SNTG2: variants seen among roughly 807,000 people sequenced by gnomAD.
SNTG2 encodes the protein syntrophin gamma 2.
In SNTG2, 74 loss-of-function variants were observed where a neutral mutation model predicts 70.9. That is an observed-to-expected ratio of 1.04 (90% CI 0.86 to 1.27). The LOEUF is 1.27. SNTG2 is among the 50% of genes most tolerant of loss of function. The probability of loss-of-function intolerance (pLI) is 0.00; values close to 1 mark genes in which losing one functional copy is unlikely to be tolerated. For missense variants in SNTG2, 717 were observed against 690.7 expected, an observed-to-expected ratio of 1.04 and a Z score of -0.43; for synonymous variants, 278 against 273.8, an observed-to-expected ratio of 1.02 and a Z score of -0.15.
chr2:1,118,643 C>G (rs1667188774), intron 4 of SNTG2, among the ~76,000 whole-genome samples: 1 of 147,738 alleles, frequency 6.8e-6, no homozygotes, highest in African/African-American at 2.5e-5. Context: ...ACTTCAATAG[C>G]AGACCTAGAT....
At chr2:999,070 A>G (rs766016075) in intron 1 of SNTG2, among the ~76,000 whole-genome samples, 1 of 152,172 alleles carries the variant, frequency 6.6e-6, no homozygotes, top group Non-Finnish European at 1.5e-5. Flanking sequence ...AGGGAGAAGT[A>G]TAGTATTTCC....
chr2:1,255,860 AT>A (rs1558602526), intron 12 of SNTG2, among the ~76,000 whole-genome samples: 3 of 43,202 alleles, frequency 6.9e-5, no homozygotes, highest in African/African-American at 3.9e-4. Flanking sequence ...ATAAATATAT[AT>A]AAATATATAT....
intron 4 of SNTG2, among the ~76,000 whole-genome samples, chr2:1,098,994 A>G (rs1665578617): frequency 6.6e-6 from 1 of 151,852 alleles, no homozygotes; most frequent in South Asian, 2.1e-4. Context: ...TCGAAAAGTG[A>G]GGGTGGGATT....
At chr2:1,240,808 CTT>C (rs1676997410) in intron 11 of SNTG2, among the ~76,000 whole-genome samples, 3 of 152,188 alleles carry the variant, frequency 2.0e-5, no homozygotes, top group Middle Eastern at 3.4e-3. Context: ...ACTTTTATCT[CTT>C]TTAATATTAT....
chr2:1,155,098 A>G (rs1186537925), intron 6 of SNTG2, among the ~76,000 whole-genome samples: 2 of 151,176 alleles, frequency 1.3e-5, no homozygotes, highest in African/African-American at 4.9e-5. Flanking sequence ...TACATTAAAC[A>G]TACACACATA....
At chr2:1,247,783 A>G (rs921285549) in intron 12 of SNTG2, among the ~76,000 whole-genome samples, 14 of 152,206 alleles carry the variant, frequency 9.2e-5, no homozygotes, top group African/African-American at 3.4e-4. Flanking sequence ...CATACAAAAT[A>G]CAACCCTCTT....
rs143304337 is a variant in SNTG2 at position 1,078,252 on chromosome 2, G to C, written c.73-5266G>C. 3.2e-3 allele frequency among the ~76,000 whole-genome samples: 487 copies of C among 152,308 alleles called. 2 individuals are homozygous for C. The highest frequency in any genetic ancestry group is 5.6e-3 in the Non-Finnish European group (378 of 68,024). On this transcript the variant is annotated intron_variant, in intron 1 of 16. Transcript: ENST00000308624. ...AAGGTAGAGAGGACCCTTCCATCAT[G>C]GAACTCATGCTCTGTTGTCAAGCGG...
rs1037690524 is a variant in SNTG2, at chr2:1,080,795, A to G, written c.73-2723A>G. Among the ~76,000 whole-genome samples, 3 of 152,030 alleles carry G rather than the reference A, an allele frequency of 2.0e-5. No individual in the cohort carries two copies. The East Asian group carries it at 5.8e-4, about 29-fold the overall frequency. On this transcript the variant is annotated intron_variant, in intron 1 of 16. Transcript: ENST00000308624. ...GGGAGGGGAGGTTGGAAGTTGGAAG[A>G]GGCATGGCTGCTTCCTGGGTGGTGG...
chr2:1,362,797 T>G (rs74705450), intron 16 of SNTG2, among the ~76,000 whole-genome samples: 20,571 of 146,178 alleles, frequency 0.14, 2,422 homozygotes, highest in East Asian at 0.49. Flanking sequence ...TCAATAGAAC[T>G]TCCGTGAAAG....
At chr2:1,074,265 A>G (rs554270788) in intron 1 of SNTG2, among the ~76,000 whole-genome samples, 2 of 152,340 alleles carry the variant, frequency 1.3e-5, no homozygotes, top group East Asian at 3.9e-4. Flanking sequence ...AACACTGCCA[A>G]GTAGCCCTTT....
At chr2:1,252,889 A>G (rs1357939695) in intron 12 of SNTG2, among the ~76,000 whole-genome samples, 2 of 152,210 alleles carry the variant, frequency 1.3e-5, no homozygotes, top group Admixed American at 1.3e-4. Context: ...TGGTGAATAA[A>G]TTTACATCTA....
chr2:961,444 C>T (rs560593199), intron 1 of SNTG2, among the ~76,000 whole-genome samples: 5 of 152,282 alleles, frequency 3.3e-5, no homozygotes, highest in Non-Finnish European at 5.9e-5. Flanking sequence ...TTTTCTATAA[C>T]GTAGCATCTG....
intron 1 of SNTG2, among the ~76,000 whole-genome samples, chr2:1,024,534 C>G (rs1463480919): frequency 6.6e-6 from 1 of 152,070 alleles, no homozygotes; most frequent in Non-Finnish European, 1.5e-5. Flanking sequence ...CACACTTGGA[C>G]AATTATTTTT....
chr2:1,356,933 TG>T (rs769015986), intron 16 of SNTG2, among the ~76,000 whole-genome samples: 12 of 151,976 alleles, frequency 7.9e-5, no homozygotes, highest in Non-Finnish European at 1.5e-4. Flanking sequence ...CTATTGTAAG[TG>T]GGTTTTTTTT....
intron 1 of SNTG2, among the ~76,000 whole-genome samples, chr2:992,236 T>A (rs988278098): frequency 6.6e-6 from 1 of 151,990 alleles, no homozygotes. Flanking sequence ...AAAAGAAATA[T>A]TGGGGAAATT....
chr2:1,165,879 C>A lies in SNTG2; in HGVS notation c.499+244C>A, dbSNP rs911074982. Among the ~76,000 whole-genome samples, 2 of 152,314 alleles carry A rather than the reference C, an allele frequency of 1.3e-5. 1 individual carries two copies. The highest frequency in any genetic ancestry group is 6.8e-3 in the Middle Eastern group (2 of 294). On this transcript the variant is annotated intron_variant, in intron 7 of 16. Coordinates refer to ENST00000308624, the MANE Select transcript of SNTG2 (RefSeq NM_018968.4). ...CGTGCTTCTCGACTGTGCTTCTCGT[C>A]ACTTAACTACATGCTCGTTCCTTCA...
chr2:1,181,195 T>C (rs1305058640), intron 8 of SNTG2, among the ~76,000 whole-genome samples: 1 of 150,142 alleles, frequency 6.7e-6, no homozygotes, highest in East Asian at 2.0e-4. Context: ...TGTGCACATG[T>C]ACCCTAAAAC....
At chr2:1,222,109 C>G (rs867250719) in intron 9 of SNTG2, among the ~76,000 whole-genome samples, 3 of 44,560 alleles carry the variant, frequency 6.7e-5, no homozygotes, top group East Asian at 5.2e-4. Flanking sequence ...CTCTCTGTCT[C>G]TCTCTGTCTC....
chr2:1,151,761 A>G (rs1669513569), intron 6 of SNTG2, among the ~76,000 whole-genome samples: 2 of 152,216 alleles, frequency 1.3e-5, no homozygotes, highest in African/African-American at 2.4e-5. Context: ...GTGACGATGC[A>G]GATGAGCACA....
Sources: allele counts gnomAD v4.1 joint callset (sites outside exome capture counted in the v4.1 genomes callset), GRCh38; gene constraint gnomAD v4.1.1; transcripts MANE v1.5; gene names NCBI Gene and HGNC (gene_info 2026-07-23, HGNC 2026-07-21).